The following C14orf132 variants were observed in gnomAD, a reference collection of about 807,000 sequenced individuals.
C14orf132 encodes the protein uncharacterized protein C14orf132.
In C14orf132, 6 loss-of-function variants were observed where a neutral mutation model predicts 5.8. The ratio of observed to expected loss-of-function variants is 1.03; its 90% CI spans 0.57 to 2.04. The LOEUF is 2.04. C14orf132 is among the 30% of genes most tolerant of loss of function. C14orf132 has a pLI of 0.00. For synonymous variants in C14orf132, 51 were observed against 49.8 expected, an observed-to-expected ratio of 1.02 and a Z score of -0.10; for missense variants, 125 against 115.8, an observed-to-expected ratio of 1.08 and a Z score of -0.37.
intron 1 of C14orf132, among the ~76,000 whole-genome samples, chr14:96,082,570 G>A (rs949476428): frequency 2.0e-5 from 3 of 152,210 alleles, no homozygotes; most frequent in African/African-American, 7.2e-5. Context: ...CAACAGGGCT[G>A]ACCAGCTTTG....
intron 1 of C14orf132, among the ~76,000 whole-genome samples, chr14:96,053,258 C>T (rs1188278943): frequency 6.6e-6 from 1 of 152,220 alleles, no homozygotes; most frequent in African/African-American, 2.4e-5. Flanking sequence ...TGTTAACAGG[C>T]ACTGAGGATG....
At chr14:96,064,462 GTA>G (rs141735512) in intron 1 of C14orf132, among the ~76,000 whole-genome samples, 2 of 147,368 alleles carry the variant, frequency 1.4e-5, no homozygotes, top group African/African-American at 2.5e-5. Flanking sequence ...GTATATGTAT[GTA>G]TATATATATA....
intron 1 of C14orf132, among the ~76,000 whole-genome samples, chr14:96,063,859 T>C (rs1887436402): frequency 6.6e-6 from 1 of 151,438 alleles, no homozygotes; most frequent in South Asian, 2.1e-4. Context: ...TACAACAAAA[T>C]CAAACAAATC....
In C14orf132 at chr14:96,088,174, G is replaced by A. The variant is rs1029106950; in HGVS notation, c.*1439G>A. The A allele has an allele frequency of 5.9e-5, 9 of 152,164 alleles. No individual in the cohort carries two copies. Among genetic ancestry groups the A allele is most frequent in the African/African-American group, 2.2e-4 (9 of 41,436 alleles). The allele number at this position is 152,164 out of a possible 1,614,324, so 9.4% of individuals were successfully genotyped here. On this transcript the variant is annotated 3_prime_UTR_variant, in exon 2 of 2. Coordinates refer to ENST00000555004, the MANE Select transcript of C14orf132 (RefSeq NM_001252507.3). ...ATTTAGAGACAATTACAAGAAAGCT[G>A]GACTTGCCGCTGTGGTCTCAGGAGA...
intron 1 of C14orf132, among the ~76,000 whole-genome samples, chr14:96,048,769 G>C (rs1028946536): frequency 1.4e-4 from 21 of 152,176 alleles, no homozygotes; most frequent in African/African-American, 5.1e-4. Flanking sequence ...CAGGTGGTCT[G>C]CCTGCCTCGG....
chr14:96,082,340 C>A (rs762555745), intron 1 of C14orf132, among the ~76,000 whole-genome samples: 1 of 152,276 alleles, frequency 6.6e-6, no homozygotes, highest in Middle Eastern at 3.4e-3. Context: ...ATGACCTCAG[C>A]CAACACCCCT....
At chr14:96,053,964 T>C (rs538748156) in intron 1 of C14orf132, among the ~76,000 whole-genome samples, 1 of 152,178 alleles carries the variant, frequency 6.6e-6, no homozygotes, top group African/African-American at 2.4e-5. Flanking sequence ...TCAGGGCTAA[T>C]GCAGTAAGCT....
In C14orf132 at chr14:96,039,565, A is replaced by C; in HGVS notation, c.27+38A>C. 6.7e-7 allele frequency: 1 copy of C among 1,490,906 alleles called. No homozygotes were observed. Among genetic ancestry groups the C allele is most frequent in the Non-Finnish European group, 8.9e-7 (1 of 1,122,028 alleles). The allele number at this position is 1,490,906 out of a possible 1,614,324, so 92.4% of individuals were successfully genotyped here. ...CCCCCCCACGCGCCCCGGGCCGCCA[A>C]GTTTGGGGAGGTTCGGGGCCACGGT... On this transcript the variant is annotated intron_variant, in intron 1 of 1. Coordinates refer to ENST00000555004, the MANE Select transcript of C14orf132 (RefSeq NM_001252507.3). This position sits in a 1 kb window ranked among gnomAD's most constrained non-coding sequence, Gnocchi z 5.3.
At chr14:96,063,802 A>C (rs1887434046) in intron 1 of C14orf132, among the ~76,000 whole-genome samples, 1 of 152,178 alleles carries the variant, frequency 6.6e-6, no homozygotes, top group Non-Finnish European at 1.5e-5. Context: ...GAGTGGGAGA[A>C]AATCTTCACT....
At chr14:96,067,652 T>C (rs1201409817) in intron 1 of C14orf132, among the ~76,000 whole-genome samples, 3 of 150,216 alleles carry the variant, frequency 2.0e-5, no homozygotes, top group Admixed American at 6.7e-5. Context: ...TGAGCGGAGA[T>C]CAGGCCATTG....
chr14:96,046,453 A>G (rs1455589927), intron 1 of C14orf132, among the ~76,000 whole-genome samples: 10 of 152,238 alleles, frequency 6.6e-5, no homozygotes, highest in African/African-American at 2.4e-4. Context: ...CTAAGGAGGT[A>G]GGCCATGGCT....
chr14:96,055,326 C>A (rs1439584340), intron 1 of C14orf132, among the ~76,000 whole-genome samples: 1 of 152,126 alleles, frequency 6.6e-6, no homozygotes, highest in Admixed American at 6.6e-5. Context: ...GCCTTTGCCT[C>A]AGAGTGAGAG....
intron 1 of C14orf132, among the ~76,000 whole-genome samples, chr14:96,043,107 T>A (rs1886737224): frequency 6.6e-6 from 1 of 152,192 alleles, no homozygotes; most frequent in African/African-American, 2.4e-5. Context: ...GGAATCTGAT[T>A]CTTCTCCCCT....
rs530406877 is a variant in C14orf132, at chr14:96,083,557, A to C, written c.28-2954A>C. Among the ~76,000 whole-genome samples the C allele has an allele frequency of 1.1e-4, 16 of 152,288 alleles. 1 individual carries two copies. The highest frequency in any genetic ancestry group is 3.6e-4 in the African/African-American group (15 of 41,566). Reference sequence around the variant, plus strand: ...TAAGAGCGAGGCTGGAAGATGAGAGAGAGAGATTGGAAGATATTACACTAC... The same window carrying C: ...TAAGAGCGAGGCTGGAAGATGAGAGCGAGAGATTGGAAGATATTACACTAC... On this transcript the variant is annotated intron_variant, in intron 1 of 1. Coordinates refer to ENST00000555004, the MANE Select transcript of C14orf132 (RefSeq NM_001252507.3).
At chr14:96,051,109 A>G (rs763908942) in intron 1 of C14orf132, 6 of 398,504 alleles carry the variant, frequency 1.5e-5, no homozygotes, top group Non-Finnish European at 2.7e-5. Context: ...AGTAACATAC[A>G]TACATACTCT....
At chr14:96,083,807 C>T (rs765760429) in intron 1 of C14orf132, among the ~76,000 whole-genome samples, 2 of 152,152 alleles carry the variant, frequency 1.3e-5, no homozygotes, top group African/African-American at 2.4e-5. Context: ...GTCACAGCAG[C>T]GACAGGAAAC....
intron 1 of C14orf132, among the ~76,000 whole-genome samples, chr14:96,049,017 T>C (rs996654270): frequency 3.9e-5 from 6 of 152,106 alleles, no homozygotes; most frequent in African/African-American, 1.4e-4. Context: ...CTCCACCTCC[T>C]GGGTTCAAGC....
intron 1 of C14orf132, among the ~76,000 whole-genome samples, chr14:96,063,631 A>C (rs1887429198): frequency 6.6e-6 from 1 of 152,188 alleles, no homozygotes; most frequent in African/African-American, 2.4e-5. Flanking sequence ...TTTGAGGAAC[A>C]ACAAAAGTTA....
chr14:96,043,599 A>G (rs1886753124), intron 1 of C14orf132, among the ~76,000 whole-genome samples: 2 of 152,084 alleles, frequency 1.3e-5, no homozygotes, highest in African/African-American at 4.8e-5. Flanking sequence ...TACTCCCATC[A>G]GATTCTAGGG....
Sources: gnomAD v4.1 joint callset for allele counts (sites outside exome capture counted in the v4.1 genomes callset) on GRCh38, gnomAD v4.1.1 for gene constraint, Gnocchi (gnomAD v3.1) non-coding constraint, MANE v1.5 for transcripts, NCBI Gene and HGNC (gene_info 2026-07-23, HGNC 2026-07-21) for gene names.